Variants in TMEM169 observed in about 807,000 individuals in gnomAD.
The protein encoded by TMEM169 is transmembrane protein 169.
A neutral mutation model predicts 27.3 loss-of-function variants in TMEM169; 18 were observed. That is an observed-to-expected ratio of 0.66 (90% CI 0.46 to 0.98). The LOEUF is 0.98. TMEM169 is among the 50% of genes least tolerant of loss of function. The pLI, the probability that TMEM169 is intolerant of heterozygous loss-of-function variation, is 0.00. For missense variants in TMEM169, 320 were observed against 368.6 expected (o/e 0.87, Z 1.08); for synonymous variants, 136 against 142.1 (o/e 0.96, Z 0.30).
At chr2:216,087,443 A>G (rs756398071) in intron 1 of TMEM169, among the ~76,000 whole-genome samples, 2 of 152,198 alleles carry the variant, frequency 1.3e-5, no homozygotes, top group African/African-American at 2.4e-5. Flanking sequence ...CAAATTAACA[A>G]AAAGATTTCA....
intron 2 of TMEM169, among the ~76,000 whole-genome samples, chr2:216,098,183 C>G (rs1428156408): frequency 6.6e-6 from 1 of 152,048 alleles, no homozygotes; most frequent in African/African-American, 2.4e-5. Context: ...AAAGAGACAT[C>G]ATCTTGTTTA....
chr2:216,097,581 AT>A (rs1453352703), intron 2 of TMEM169, among the ~76,000 whole-genome samples: 4 of 152,146 alleles, frequency 2.6e-5, no homozygotes, highest in Admixed American at 2.6e-4. Flanking sequence ...TCTCGAAAAA[AT>A]AATAATAATT....
In TMEM169 at chr2:216,100,573, C is replaced by G. The variant is rs536681427; in HGVS notation, c.*31C>G. The G allele has an allele frequency of 1.1e-5, 17 of 1,613,178 alleles. No individual in the cohort carries two copies. In the East Asian group the frequency reaches 2.0e-4, roughly 19 times the overall value. The stretch of plus-strand genomic sequence containing the variant: ...CAACAACTTACTCCCTCCTCTGGCC[C>G]CAGTAGCCTATATATCATCTTAAAA... On this transcript the variant is annotated 3_prime_UTR_variant, in exon 3 of 3. Transcript: ENST00000437356.
At chr2:216,095,310 ACTC>A (rs1248685079) in intron 1 of TMEM169, among the ~76,000 whole-genome samples, 18 of 150,528 alleles carry the variant, frequency 1.2e-4, no homozygotes, top group African/African-American at 3.4e-4. Context: ...CTGGTCTCAA[ACTC>A]CTGACCTCAG....
In TMEM169 at chr2:216,102,676, C is replaced by T. The variant is rs1013084131; in HGVS notation, c.*2134C>T. ...TAGCTTGACAAGAAAAAAAAAGTGC[C>T]CAACAGTTTTAGTGTTAATCTTGGT... On this transcript the variant is annotated 3_prime_UTR_variant, in exon 3 of 3. Coordinates refer to ENST00000437356, the MANE Select transcript of TMEM169 (RefSeq NM_001142311.2). The T allele has an allele frequency of 1.3e-5, 2 of 151,744 alleles. No homozygotes were observed. The highest frequency in any genetic ancestry group is 2.9e-5 in the Non-Finnish European group (2 of 67,926). 9.4% of individuals were successfully genotyped at this position (151,744 alleles called of 1,614,324 possible).
Position 216,100,374 on chromosome 2 carries a change from G to A in TMEM169, c.726G>A (p.Trp242Ter). 1 of 1,613,968 alleles carries A rather than the reference G, an allele frequency of 6.2e-7. No individual in the cohort carries two copies. Among genetic ancestry groups the A allele is most frequent in the Non-Finnish European group, 8.5e-7 (1 of 1,179,996 alleles). The change falls in exon 3 of 3, where the codon TGG (tryptophan) becomes TGA (stop). Residue 242 changes from tryptophan to a stop codon, truncating the protein, a stop_gained. Transcript: ENST00000437356. LOFTEE classifies it high-confidence loss of function. ...TCTCGTGGTCCTGGGAAGCATGGTGGCAAGCTGCCCGGGACATGGAGAAAG... is the reference window on the plus strand; with the variant it reads ...TCTCGTGGTCCTGGGAAGCATGGTGACAAGCTGCCCGGGACATGGAGAAAG... ...VQLSWSWEAW[W>*]QAARDMEKGF...
Position 216,096,158 on chromosome 2 carries a change from G to A in TMEM169, c.195G>A (p.Glu65=), listed in dbSNP as rs1360985776. The A allele has an allele frequency of 1.2e-6, 2 of 1,614,028 alleles. No individual in the cohort carries two copies. The highest frequency in any genetic ancestry group is 2.7e-5 in the African/African-American group (2 of 74,930). Residue 65 remains glutamate (E), a synonymous_variant, in exon 2 of 3, where the codon GAG becomes GAA. Coordinates refer to ENST00000437356, the MANE Select transcript of TMEM169 (RefSeq NM_001142311.2). ...YRSDNEKTDE[E]PGESEGGDQP... is the part of the protein sequence containing the mutation. ...CAGACAATGAGAAAACAGATGAGGA[G>A]CCCGGAGAATCAGAAGGTGGAGATC...
chr2:216,085,270 G>T (rs1262166775), intron 1 of TMEM169, among the ~76,000 whole-genome samples: 1 of 152,042 alleles, frequency 6.6e-6, no homozygotes, highest in Non-Finnish European at 1.5e-5. Context: ...AATTAGCCGG[G>T]TGTGGTGGCA....
chr2:216,089,189 G>T (rs1696073271), intron 1 of TMEM169, among the ~76,000 whole-genome samples: 1 of 152,182 alleles, frequency 6.6e-6, no homozygotes, highest in Admixed American at 6.5e-5. Flanking sequence ...GTTAAAGGAG[G>T]TGAGGGAAGG....
intron 1 of TMEM169, chr2:216,082,522 C>G (rs532954883): frequency 1.3e-5 from 2 of 152,406 alleles, no homozygotes; most frequent in Admixed American, 1.3e-4. Flanking sequence ...CATAGCGAGT[C>G]CAGAAGAGGA....
chr2:216,084,070 G>T (rs1013112801), intron 1 of TMEM169, among the ~76,000 whole-genome samples: 27 of 152,086 alleles, frequency 1.8e-4, no homozygotes, highest in African/African-American at 6.5e-4. Context: ...TTGTCCTGGG[G>T]AAAAAGGCAT....
chr2:216,096,345 T>G, intron 2 of TMEM169, 111 bp downstream of exon 2: 2 of 1,270,574 alleles, frequency 1.6e-6, no homozygotes, highest in Non-Finnish European at 2.2e-6. Context: ...GTGATACATT[T>G]CTTCTTGCAA....
intron 1 of TMEM169, among the ~76,000 whole-genome samples, chr2:216,095,283 T>C: frequency 6.6e-6 from 1 of 151,966 alleles, no homozygotes; most frequent in Admixed American, 6.6e-5. Flanking sequence ...AGATGGGGTT[T>C]TGCCATGTTG....
chr2:216,096,342 A>C, intron 2 of TMEM169, 108 bp downstream of exon 2: 1 of 1,304,898 alleles, frequency 7.7e-7, no homozygotes, highest in Non-Finnish European at 1.1e-6. Context: ...TTGGTGATAC[A>C]TTTCTTCTTG....
Position 216,102,616 on chromosome 2 carries a change from ACTCT to A in TMEM169, c.*2079_*2082del, listed in dbSNP as rs527808305. The stretch of plus-strand genomic sequence containing the variant: ...GGTGCTGAGCTCCACCTTCAGAGGA[ACTCT>A]CTCTTTTTTTTTTTTTTAAATAACT... On this transcript the variant is annotated 3_prime_UTR_variant, in exon 3 of 3. Transcript: ENST00000437356. The A allele has an allele frequency of 1.9e-3, 286 of 149,886 alleles. No homozygotes were observed. Among genetic ancestry groups the A allele is most frequent in the African/African-American group, 6.9e-3 (278 of 40,548 alleles). 9.3% of individuals were successfully genotyped at this position (149,886 alleles called of 1,614,324 possible).
In TMEM169 at chr2:216,091,772, C is replaced by T. The variant is rs567801608; in HGVS notation, c.-126-4066C>T. On this transcript the variant is annotated intron_variant, in intron 1 of 2. Transcript: ENST00000437356. ...GTCTATGGTATTTTCTTATGGCAGC[C>T]CAAATGCACTAAGACACTGAGGGAG... Among the ~76,000 whole-genome samples, 34 of 152,110 alleles carry T rather than the reference C, an allele frequency of 2.2e-4. No homozygotes were observed. The South Asian group carries it at 6.8e-3, about 31-fold the overall frequency.
Position 216,084,524 on chromosome 2 carries a change from T to C in TMEM169, c.-127+2545T>C, listed in dbSNP as rs549040397. Among the ~76,000 whole-genome samples, 8 of 152,272 alleles carry C rather than the reference T, an allele frequency of 5.3e-5. No individual in the cohort carries two copies. In the East Asian group the frequency reaches 9.6e-4, roughly 18 times the overall value. ...GGCCTACTTCTATGGTACCACTTCA[T>C]AGGGCTTGAAGTCTAGTAGAAGAGC... On this transcript the variant is annotated intron_variant, in intron 1 of 2. Transcript: ENST00000437356.
At chr2:216,083,405 T>C (rs2105977010) in intron 1 of TMEM169, among the ~76,000 whole-genome samples, 1 of 152,214 alleles carries the variant, frequency 6.6e-6, no homozygotes, top group South Asian at 2.1e-4. Flanking sequence ...TTCTGAGGGG[T>C]ATCTTATTCA....
At position 216,100,940 on chromosome 2, in the gene TMEM169, G is replaced by A; in HGVS notation, c.*398G>A. The A allele has an allele frequency of 3.8e-6, 1 of 265,072 alleles. No individual in the cohort carries two copies. The highest frequency in any genetic ancestry group is 7.3e-6 in the Non-Finnish European group (1 of 137,152). 16.4% of individuals were successfully genotyped at this position (265,072 alleles called of 1,614,324 possible). Reference sequence around the variant, plus strand: ...CCAAGATAATAGACAGGGATGGAGTGAGACATTTAGGAAGCTGGACTACCA... The same window carrying A: ...CCAAGATAATAGACAGGGATGGAGTAAGACATTTAGGAAGCTGGACTACCA... On this transcript the variant is annotated 3_prime_UTR_variant, in exon 3 of 3. Coordinates refer to ENST00000437356, the MANE Select transcript of TMEM169 (RefSeq NM_001142311.2).
Sources: allele counts gnomAD v4.1 joint callset (sites outside exome capture counted in the v4.1 genomes callset), GRCh38; gene constraint gnomAD v4.1.1; transcripts MANE v1.5; gene names NCBI Gene and HGNC (gene_info 2026-07-23, HGNC 2026-07-21).